Variants in PUS1 observed in about 807,000 individuals in gnomAD.
The protein encoded by PUS1 is pseudouridylate synthase 1 homolog.
PUS1 carries 25 observed loss-of-function variants against 38.5 expected under a neutral mutation model. The ratio of observed to expected loss-of-function variants is 0.65; its 90% CI spans 0.47 to 0.91. PUS1 has a LOEUF of 0.91. Ranked by LOEUF, PUS1 falls within the 40% of genes least tolerant of loss-of-function variation. The pLI is 0.00. For missense variants in PUS1, 597 were observed against 612.3 expected (o/e 0.97, Z 0.26); for synonymous variants, 282 against 260.4 (o/e 1.08, Z -0.80).
rs376680579 is a variant in PUS1, at chr12:131,941,423, G to A, written c.676G>A (p.Ala226Thr). ...TCAGGATGAGACCTACCGCCTGAGC[G>A]CCGAGACGCTGCAGCAGGTCAACAG... ...DVQDETYRLSAETLQQVNRLL... is the reference protein window; with the variant it reads ...DVQDETYRLSTETLQQVNRLL... Residue 226 changes from alanine (A) to threonine (T), a missense_variant, in exon 5 of 6, where the codon GCC (alanine) becomes ACC (threonine). Physicochemically the swap from Ala to Thr is moderately conservative, Grantham distance 58. Coordinates refer to ENST00000376649, the MANE Select transcript of PUS1 (RefSeq NM_025215.6). This position sits in a 1 kb window ranked among gnomAD's most constrained non-coding sequence, Gnocchi z 4.4. 230 of 1,613,968 alleles carry A rather than the reference G, an allele frequency of 1.4e-4. No homozygotes were observed. Among genetic ancestry groups the A allele is most frequent in the Non-Finnish European group, 1.9e-4 (221 of 1,179,954 alleles).
chr12:131,939,022 T>A (rs532509961), intron 3 of PUS1, 151 bp from the exon 4 acceptor site: 1 of 688,158 alleles, frequency 1.5e-6, no homozygotes, highest in African/African-American at 1.8e-5. Context: ...ATTACAGGCG[T>A]GAGCCACTAT....
At chr12:131,930,275 C>T (rs1890541913) in intron 2 of PUS1, 140 bp downstream of exon 2, 1 of 473,828 alleles carries the variant, frequency 2.1e-6, no homozygotes, top group African/African-American at 2.0e-5. Context: ...TAGGTGCAGG[C>T]CCAAGCAGCT....
intron 4 of PUS1, chr12:131,940,876 TTTA>T (rs1891030851): frequency 5.5e-6 from 1 of 182,664 alleles, no homozygotes; most frequent in Non-Finnish European, 1.2e-5. Flanking sequence ...CCCGGCTGCT[TTTA>T]TTATTTTAAA....
intron 3 of PUS1, among the ~76,000 whole-genome samples, chr12:131,936,433 C>G (rs1210484977): frequency 2.0e-5 from 3 of 150,468 alleles, no homozygotes; most frequent in African/African-American, 7.3e-5. Context: ...TGTGGTGGTG[C>G]ACGCCTGTAA....
At position 131,945,035 on chromosome 12, in the gene PUS1, G is replaced by C. The variant is rs370282457; in HGVS notation, c.*1449G>C. On this transcript the variant is annotated 3_prime_UTR_variant, in exon 6 of 6. Transcript: ENST00000376649. Reference sequence around the variant, plus strand: ...GCCTCCCAGCCTGCAGCCCGTGGGCGCACGTGACCAATGCACGAGTGCCTG... The same window carrying C: ...GCCTCCCAGCCTGCAGCCCGTGGGCCCACGTGACCAATGCACGAGTGCCTG... The C allele has an allele frequency of 6.6e-6, 1 of 152,306 alleles. No homozygotes were observed. The highest frequency in any genetic ancestry group is 1.5e-5 in the Non-Finnish European group (1 of 68,066). The allele number at this position is 152,306 out of a possible 1,614,324, so 9.4% of individuals were successfully genotyped here. A position where few individuals can be genotyped will look rare whatever the true frequency, so the allele number is the denominator to read the frequency against.
chr12:131,935,686 A>C (rs1194055808), intron 3 of PUS1, among the ~76,000 whole-genome samples: 4 of 151,870 alleles, frequency 2.6e-5, no homozygotes, highest in Non-Finnish European at 5.9e-5. Flanking sequence ...GGCATGCGTC[A>C]CCACGCCCGG....
chr12:131,937,359 G>GT (rs1016769844), intron 3 of PUS1, among the ~76,000 whole-genome samples: 6 of 152,134 alleles, frequency 3.9e-5, no homozygotes, highest in East Asian at 1.9e-4. Context: ...GTTGTGTGTG[G>GT]TTTTTTTAAA....
chr12:131,940,145 G>T (rs894918602), intron 4 of PUS1, among the ~76,000 whole-genome samples: 13 of 152,042 alleles, frequency 8.6e-5, no homozygotes, highest in Middle Eastern at 3.4e-3. Flanking sequence ...GGATCCTCCC[G>T]CCTCAGCCTA....
intron 3 of PUS1, chr12:131,934,640 A>G (rs1201427732): frequency 3.3e-5 from 5 of 152,206 alleles, no homozygotes; most frequent in Non-Finnish European, 7.4e-5. Context: ...TTACACTGGA[A>G]CAGCTCGTGC....
rs781643392 is a variant in PUS1, at chr12:131,941,990, G to A, written c.1236+7G>A. 20 of 1,609,280 alleles carry A rather than the reference G, an allele frequency of 1.2e-5. No homozygotes were observed. The highest frequency in any genetic ancestry group is 3.3e-4 in the Middle Eastern group (2 of 5,992). On this transcript the variant is annotated splice_region_variant and intron_variant, in intron 5 of 5. Transcript: ENST00000376649. This position sits in a 1 kb window ranked among gnomAD's most constrained non-coding sequence, Gnocchi z 4.4. ...AGGTGGCACGGGCGCCAAGGTAGGG[G>A]CACAGTCCCAGCAGTGCTCAGCAGA...
At chr12:131,937,888 C>T (rs1391229146) in intron 3 of PUS1, among the ~76,000 whole-genome samples, 1 of 152,090 alleles carries the variant, frequency 6.6e-6, no homozygotes, top group Non-Finnish European at 1.5e-5. Flanking sequence ...AAGTTGGAGA[C>T]ATCATCATCC....
chr12:131,938,807 C>T (rs533517408), intron 3 of PUS1, among the ~76,000 whole-genome samples: 62 of 151,766 alleles, frequency 4.1e-4, no homozygotes, highest in African/African-American at 1.4e-3. Context: ...CTGGAAGCTC[C>T]GCCTCCCGGG....
Position 131,929,591 on chromosome 12 carries a change from G to T in PUS1, c.-132G>T, listed in dbSNP as rs2136427968. ...GGGGCTGGGGCGCCGGTTTCCCGGA[G>T]GTCAGGGGTCAGAAGGAACAGGGCT... is the stretch of plus-strand genomic sequence containing the variant. On this transcript the variant is annotated 5_prime_UTR_variant, in exon 1 of 6. It adds an upstream start codon to the 5' untranslated region. Coordinates refer to ENST00000376649, the MANE Select transcript of PUS1 (RefSeq NM_025215.6). 2 of 766,826 alleles carry T rather than the reference G, an allele frequency of 2.6e-6. No individual in the cohort carries two copies. Among genetic ancestry groups the T allele is most frequent in the East Asian group, 6.6e-5 (2 of 30,298 alleles). 47.5% of individuals were successfully genotyped at this position (766,826 alleles called of 1,614,324 possible). A position where few individuals can be genotyped will look rare whatever the true frequency, so the allele number is the denominator to read the frequency against.
Position 131,941,689 on chromosome 12 carries a change from G to A in PUS1, c.942G>A (p.Leu314=), listed in dbSNP as rs764870494. 4.3e-5 allele frequency: 69 copies of A among 1,614,086 alleles called. No individual in the cohort carries two copies. Among genetic ancestry groups the A allele is most frequent in the Non-Finnish European group, 5.1e-5 (60 of 1,180,042 alleles). ...AGGGTTATGCCCCTGAGAGCGTGCT[G>A]GAGCGCAGCTGGGGCACAGAGAAGG... ...IVKGYAPESV[L]ERSWGTEKVD... is the part of the protein sequence containing the mutation. The change falls in exon 5 of 6, where the codon CTG becomes CTA. Residue 314 remains leucine (L), a synonymous_variant. Transcript: ENST00000376649. The surrounding 1 kb of genome is among the most constrained non-coding windows in gnomAD (Gnocchi z 4.4).
intron 5 of PUS1, among the ~76,000 whole-genome samples, chr12:131,942,363 C>T (rs557159874): frequency 2.4e-4 from 37 of 151,838 alleles, no homozygotes; most frequent in Admixed American, 1.3e-3. Flanking sequence ...CTCAGTTCTT[C>T]GCTCTGGGGT....
Position 131,930,476 on chromosome 12 carries a change from A to G in PUS1, c.303+341A>G, listed in dbSNP as rs527524160. ...GGTGTACTGACGCTCGGTGCTGAGA[A>G]CAGTGGACAGCTCGGGGCAGCTCAG... On this transcript the variant is annotated intron_variant, in intron 2 of 5. Transcript: ENST00000376649. 3.0e-4 allele frequency among the ~76,000 whole-genome samples: 46 copies of G among 152,330 alleles called. No individual in the cohort carries two copies. In the South Asian group the frequency reaches 3.9e-3, roughly 13 times the overall value.
intron 3 of PUS1, 55 bp downstream of exon 3, chr12:131,932,367 A>C: frequency 6.3e-7 from 1 of 1,598,084 alleles, no homozygotes; most frequent in South Asian, 1.1e-5. Context: ...CACGTGGCCC[A>C]CTTTCCAGCT....
intron 3 of PUS1, among the ~76,000 whole-genome samples, chr12:131,938,879 GC>G (rs1384709314): frequency 6.6e-6 from 1 of 152,036 alleles, no homozygotes; most frequent in Non-Finnish European, 1.5e-5. Flanking sequence ...CTGTCACCAT[GC>G]CCGGCTAATT....
intron 3 of PUS1, among the ~76,000 whole-genome samples, chr12:131,935,113 C>T (rs1890767039): frequency 6.9e-6 from 1 of 145,262 alleles, no homozygotes; most frequent in Non-Finnish European, 1.5e-5. Flanking sequence ...AAGTTCACTC[C>T]TAGTGGGTGA....
Sources: gnomAD v4.1 joint callset for allele counts (sites outside exome capture counted in the v4.1 genomes callset) on GRCh38, gnomAD v4.1.1 for gene constraint, Gnocchi (gnomAD v3.1) non-coding constraint, MANE v1.5 for transcripts, NCBI Gene and HGNC (gene_info 2026-07-23, HGNC 2026-07-21) for gene names.